CD27: variants seen among roughly 807,000 people sequenced by gnomAD.
The protein encoded by CD27 is CD27 antigen.
A neutral mutation model predicts 25.9 loss-of-function variants in CD27; 16 were observed. That is an observed-to-expected ratio of 0.62 (90% confidence interval 0.42 to 0.94). The LOEUF (loss-of-function observed/expected upper bound fraction) is 0.94. Among genes scored for constraint, CD27 ranks in the 40% least tolerant of loss-of-function variants. CD27 has a pLI of 0.00. For missense variants in CD27, 300 were observed against 333.2 expected, an observed-to-expected ratio of 0.90 and a Z score of 0.78; for synonymous variants, 142 against 124.3, an observed-to-expected ratio of 1.14 and a Z score of -0.95.
chr12:6,450,411 TACTCCCC>T lies in CD27; in HGVS notation c.448+65_448+71del. 1 of 1,546,966 alleles carries T rather than the reference TACTCCCC, an allele frequency of 6.5e-7. No individual in the cohort carries two copies. Among genetic ancestry groups the T allele is most frequent in the Non-Finnish European group, 8.8e-7 (1 of 1,130,418 alleles). On this transcript the variant is annotated intron_variant, in intron 3 of 5. Transcript: ENST00000266557. This position sits in a 1 kb window ranked among gnomAD's most constrained non-coding sequence, Gnocchi z 4.1. ...GGGGTAGCGGTGATACCCCAACCAG[TACTCCCC>T]ACTCCTACCCCTAGATAAGGTCAGC...
chr12:6,446,509 C>T (rs1949418593), intron 2 of CD27, among the ~76,000 whole-genome samples: 1 of 152,232 alleles, frequency 6.6e-6, no homozygotes, highest in Non-Finnish European at 1.5e-5. Flanking sequence ...TGTGGTGGCT[C>T]ATGCCTATAA....
rs1449411191 is a variant in CD27, at chr12:6,451,683, G to C, written c.*291G>C. ...GCTGCGAAAGACCCACATGCTACAAGACGGGCAAAATAAAGTGACAGATGA... is the reference window on the plus strand; with the variant it reads ...GCTGCGAAAGACCCACATGCTACAACACGGGCAAAATAAAGTGACAGATGA... On this transcript the variant is annotated 3_prime_UTR_variant, in exon 6 of 6. Coordinates refer to ENST00000266557, the MANE Select transcript of CD27 (RefSeq NM_001242.5). 2.4e-5 allele frequency: 9 copies of C among 377,080 alleles called. No individual in the cohort carries two copies. Among genetic ancestry groups the C allele is most frequent in the Non-Finnish European group, 3.4e-5 (7 of 207,242 alleles). The allele number at this position is 377,080 out of a possible 1,614,324, so 23.4% of individuals were successfully genotyped here.
rs768640085 is a variant in CD27, at chr12:6,450,143, C to T, written c.269-30C>T. Reference sequence around the variant, plus strand: ...TGAAGGTCTCCACAGGTCTGAGTGTCCTATGCTCCCTGGGCCTCTCTTCCC... The same window carrying T: ...TGAAGGTCTCCACAGGTCTGAGTGTTCTATGCTCCCTGGGCCTCTCTTCCC... On this transcript the variant is annotated intron_variant, in intron 2 of 5. Transcript: ENST00000266557. The surrounding 1 kb of genome is among the most constrained non-coding windows in gnomAD (Gnocchi z 4.1). The T allele has an allele frequency of 6.3e-7, 1 of 1,597,658 alleles. No individual in the cohort carries two copies. Among genetic ancestry groups the T allele is most frequent in the Non-Finnish European group, 8.5e-7 (1 of 1,174,378 alleles).
In CD27 at chr12:6,450,338, T is replaced by C; in HGVS notation, c.434T>C (p.Leu145Ser). 1 of 1,612,360 alleles carries C rather than the reference T, an allele frequency of 6.2e-7. No homozygotes were observed. Among genetic ancestry groups the C allele is most frequent in the East Asian group, 2.2e-5 (1 of 44,878 alleles). Residue 145 changes from leucine (L) to serine (S), a missense_variant, in exon 3 of 6, where the codon TTA becomes TCA. Transcript: ENST00000266557. This position sits in a 1 kb window ranked among gnomAD's most constrained non-coding sequence, Gnocchi z 4.1. ...AGCCCACACCCTCAGCCCACCCACT[T>C]ACCTTATGTCAGTGGTAAGTTCCAG... ...ALSPHPQPTHLPYVSEMLEAR... is the reference protein window; with the variant it reads ...ALSPHPQPTHSPYVSEMLEAR...
At chr12:6,446,712 C>T (rs1269080835) in intron 2 of CD27, among the ~76,000 whole-genome samples, 1 of 131,198 alleles carries the variant, frequency 7.6e-6, no homozygotes, top group African/African-American at 3.7e-5. Context: ...CCAAGAGGTC[C>T]CCAAGAGGTC....
At chr12:6,446,470 TAAAAAC>T (rs1241003452) in intron 2 of CD27, among the ~76,000 whole-genome samples, 1 of 152,130 alleles carries the variant, frequency 6.6e-6, no homozygotes, top group Non-Finnish European at 1.5e-5. Context: ...CCTGGTCCCG[TAAAAAC>T]AAAAACAAAA....
At position 6,445,487 on chromosome 12, in the gene CD27, C is replaced by T. The variant is rs748647585; in HGVS notation, c.200C>T (p.Pro67Leu). The T allele has an allele frequency of 8.7e-6, 14 of 1,613,914 alleles. No homozygotes were observed. The highest frequency in any genetic ancestry group is 3.3e-5 in the Admixed American group (2 of 59,996). Residue 67 changes from proline to leucine, a missense_variant, in exon 2 of 6, where the codon CCG becomes CTG. Coordinates refer to ENST00000266557, the MANE Select transcript of CD27 (RefSeq NM_001242.5). The surrounding 1 kb of genome is among the most constrained non-coding windows in gnomAD (Gnocchi z 4.5). ...GCTGCTCAGTGTGATCCTTGCATAC[C>T]GGGGGTCTCCTTCTCTCCTGACCAC... The part of the protein sequence containing the change: ...RKAAQCDPCI[P>L]GVSFSPDHHT...
At chr12:6,449,161 T>C (rs1017278398) in intron 2 of CD27, among the ~76,000 whole-genome samples, 2 of 151,498 alleles carry the variant, frequency 1.3e-5, no homozygotes, top group Non-Finnish European at 2.9e-5. Context: ...CACACCCAGC[T>C]AATTTTTGTA....
Position 6,445,665 on chromosome 12 carries a change from C to A in CD27, c.268+110C>A. ...AGGATGACGGGGCCAAAGCTTTGGC[C>A]TTCTTCAAGGCTCACAGCAAGTGGA... On this transcript the variant is annotated intron_variant, in intron 2 of 5. Coordinates refer to ENST00000266557, the MANE Select transcript of CD27 (RefSeq NM_001242.5). The surrounding 1 kb of genome is among the most constrained non-coding windows in gnomAD (Gnocchi z 4.5). 1 of 1,387,048 alleles carries A rather than the reference C, an allele frequency of 7.2e-7. No homozygotes were observed. Among genetic ancestry groups the A allele is most frequent in the Non-Finnish European group, 9.7e-7 (1 of 1,036,118 alleles). The allele number at this position is 1,387,048 out of a possible 1,614,324, so 85.9% of individuals were successfully genotyped here.
Position 6,445,579 on chromosome 12 carries a change from G to A in CD27, c.268+24G>A, listed in dbSNP as rs1354986428. 2 of 1,610,554 alleles carry A rather than the reference G, an allele frequency of 1.2e-6. No homozygotes were observed. The highest frequency in any genetic ancestry group is 1.7e-6 in the Non-Finnish European group (2 of 1,179,238). On this transcript the variant is annotated intron_variant, in intron 2 of 5. Transcript: ENST00000266557. The surrounding 1 kb of genome is among the most constrained non-coding windows in gnomAD (Gnocchi z 4.5). ...TGGTGAGGTGGGCAAGGGTGTGTAG[G>A]TGGGGACGATGGACAAGCATCTGGG...
rs1199174513 is a variant in CD27 at position 6,445,510 on chromosome 12, C to A, written c.223C>A (p.His75Asn). ...CIPGVSFSPD[H>N]HTRPHCESCR... ...ACCGGGGGTCTCCTTCTCTCCTGAC[C>A]ACCACACCCGGCCCCACTGTGAGAG... The change falls in exon 2 of 6, where the codon CAC becomes AAC. Residue 75 changes from histidine (H) to asparagine (N), a missense_variant. By Grantham distance (68) the His-to-Asn change is moderately conservative. Transcript: ENST00000266557. This position sits in a 1 kb window ranked among gnomAD's most constrained non-coding sequence, Gnocchi z 4.5. 6.2e-6 allele frequency: 10 copies of A among 1,613,962 alleles called. No individual in the cohort carries two copies. In the South Asian group the frequency reaches 1.1e-4, roughly 18 times the overall value.
At position 6,445,591 on chromosome 12, in the gene CD27, G is replaced by T; in HGVS notation, c.268+36G>T. 1 of 1,607,184 alleles carries T rather than the reference G, an allele frequency of 6.2e-7. No homozygotes were observed. The highest frequency in any genetic ancestry group is 8.5e-7 in the Non-Finnish European group (1 of 1,177,950). On this transcript the variant is annotated intron_variant, in intron 2 of 5. Transcript: ENST00000266557. The surrounding 1 kb of genome is among the most constrained non-coding windows in gnomAD (Gnocchi z 4.5). ...CAAGGGTGTGTAGGTGGGGACGATG[G>T]ACAAGCATCTGGGGGAGCAAGGCTG...
intron 2 of CD27, chr12:6,447,714 A>G (rs1289105082): frequency 2.0e-5 from 3 of 152,146 alleles, no homozygotes; most frequent in Non-Finnish European, 4.4e-5. Context: ...TACATGTGCC[A>G]TGTTGGTGTG....
At chr12:6,446,797 C>A (rs1949422453) in intron 2 of CD27, among the ~76,000 whole-genome samples, 1 of 151,032 alleles carries the variant, frequency 6.6e-6, no homozygotes, top group African/African-American at 2.4e-5. Flanking sequence ...CACACACACA[C>A]ACAAAAAGCC....
upstream of CD27, among the ~76,000 whole-genome samples, chr12:6,444,338 C>T (rs11569358): frequency 0.042 from 6,354 of 152,198 alleles, 180 homozygotes; most frequent in Non-Finnish European, 0.062. Flanking sequence ...GGCCATCAAA[C>T]CAGACCTCAA....
chr12:6,450,712 G>A lies in CD27; in HGVS notation c.538+82G>A, dbSNP rs887000600. 4.1e-6 allele frequency: 6 copies of A among 1,452,660 alleles called. No homozygotes were observed. Among genetic ancestry groups the A allele is most frequent in the Admixed American group, 1.7e-5 (1 of 57,324 alleles). The allele number at this position is 1,452,660 out of a possible 1,614,324, so 90.0% of individuals were successfully genotyped here. On this transcript the variant is annotated intron_variant, in intron 4 of 5. Transcript: ENST00000266557. This position sits in a 1 kb window ranked among gnomAD's most constrained non-coding sequence, Gnocchi z 4.1. ...AGGGAAGCCAGACAGAAAGCTCCTA[G>A]GATTAGGGATAAGAGGAGGGGAAAA...
At position 6,445,162 on chromosome 12, in the gene CD27, G is replaced by A. The variant is rs975388482; in HGVS notation, c.67G>A (p.Ala23Thr). 2 of 1,610,574 alleles carry A rather than the reference G, an allele frequency of 1.2e-6. No homozygotes were observed. Among genetic ancestry groups the A allele is most frequent in the Non-Finnish European group, 1.7e-6 (2 of 1,178,788 alleles). The change falls in exon 1 of 6, where the codon GCC becomes ACC. Residue 23 changes from alanine (A) to threonine (T), a missense_variant. Transcript: ENST00000266557. This position sits in a 1 kb window ranked among gnomAD's most constrained non-coding sequence, Gnocchi z 4.5. ...CCTGGTGGGGCTCTCAGCTACTCCA[G>A]CCCCCAAGAGCTGCCCAGAGAGGCA... is the stretch of plus-strand genomic sequence containing the variant. ...GTLVGLSATP[A>T]PKSCPERHYW...
Position 6,450,933 on chromosome 12 carries a change from C to G in CD27, c.577C>G (p.Leu193Val), listed in dbSNP as rs1565511291. The change falls in exon 5 of 6, where the codon CTT becomes GTT. Residue 193 changes from leucine (L) to valine (V), a missense_variant. Leu to Val is a conservative substitution (Grantham distance 32). Transcript: ENST00000266557. The surrounding 1 kb of genome is among the most constrained non-coding windows in gnomAD (Gnocchi z 4.1). The stretch of plus-strand genomic sequence containing the variant: ...GTGCAGCTCCGATTTTATTCGCATC[C>G]TTGTGATCTTCTCTGGAATGTTCCT... ...SLCSSDFIRI[L>V]VIFSGMFLVF... 2.5e-6 allele frequency: 4 copies of G among 1,614,168 alleles called. No homozygotes were observed. In the South Asian group the frequency reaches 3.3e-5, roughly 13 times the overall value.
upstream of CD27, chr12:6,444,901 T>C (rs1592117140): frequency 7.1e-6 from 4 of 559,734 alleles, no homozygotes; most frequent in South Asian, 9.5e-5. Context: ...GGGAAGGGGG[T>C]GGAGGTTGCT....
Sources: gnomAD v4.1 joint callset for allele counts (sites outside exome capture counted in the v4.1 genomes callset) on GRCh38, gnomAD v4.1.1 for gene constraint, Gnocchi (gnomAD v3.1) non-coding constraint, MANE v1.5 for transcripts, NCBI Gene and HGNC (gene_info 2026-07-23, HGNC 2026-07-21) for gene names.